GTF2A1L: variants seen among roughly 807,000 people sequenced by gnomAD.
GTF2A1L encodes the protein TFIIA-alpha and beta-like factor.
Under a neutral mutation model 49.7 loss-of-function variants are expected in GTF2A1L, and 48 were observed. That is an observed-to-expected ratio of 0.97 (90% CI 0.77 to 1.23). The LOEUF (loss-of-function observed/expected upper bound fraction) is 1.23, where lower values mean the gene tolerates loss of function less well. GTF2A1L is among the 50% of genes most tolerant of loss of function. The pLI is 0.00. For missense variants in GTF2A1L, 736 were observed against 564.8 expected (o/e 1.30, Z -3.07); for synonymous variants, 246 against 193.5 (o/e 1.27, Z -2.25).
At chr2:48,643,161 C>T (rs1336929104) in intron 4 of GTF2A1L, among the ~76,000 whole-genome samples, 1 of 151,896 alleles carries the variant, frequency 6.6e-6, no homozygotes, top group East Asian at 1.9e-4. Context: ...ATAGTTTTGA[C>T]TTTAATTAAA....
intron 6 of GTF2A1L, among the ~76,000 whole-genome samples, chr2:48,668,834 CAAAA>C (rs1033825849): frequency 7.4e-6 from 1 of 134,708 alleles, no homozygotes; most frequent in Non-Finnish European, 1.5e-5. Context: ...GACCCCGCCT[CAAAA>C]AATAAATAAA....
chr2:48,633,739 A>G (rs1044819661), intron 3 of GTF2A1L, among the ~76,000 whole-genome samples: 11 of 152,134 alleles, frequency 7.2e-5, no homozygotes, highest in African/African-American at 2.7e-4. Context: ...CAATAGGGGG[A>G]AGTCCCCCAC....
intron 6 of GTF2A1L, among the ~76,000 whole-genome samples, chr2:48,651,844 C>G (rs143453441): frequency 9.5e-4 from 144 of 152,200 alleles, no homozygotes; most frequent in African/African-American, 3.4e-3. Flanking sequence ...CAAAAGCCCC[C>G]TCATAACAAT....
intron 3 of GTF2A1L, among the ~76,000 whole-genome samples, chr2:48,637,293 G>T (rs1283040527): frequency 2.6e-5 from 4 of 152,076 alleles, no homozygotes; most frequent in African/African-American, 9.7e-5. Context: ...TTTTGATGGT[G>T]AATAAGAAAC....
At chr2:48,654,671 A>G (rs1678070111) in intron 6 of GTF2A1L, among the ~76,000 whole-genome samples, 1 of 152,152 alleles carries the variant, frequency 6.6e-6, no homozygotes, top group Non-Finnish European at 1.5e-5. Flanking sequence ...GGGGTGAGCC[A>G]CCGTGCCTGG....
chr2:48,658,282 G>A (rs904002994), intron 6 of GTF2A1L, among the ~76,000 whole-genome samples: 21 of 152,128 alleles, frequency 1.4e-4, no homozygotes, highest in African/African-American at 4.8e-4. Flanking sequence ...TTTTGTATAT[G>A]GTGAAAGGTA....
chr2:48,657,648 C>G (rs1036928722), intron 6 of GTF2A1L, among the ~76,000 whole-genome samples: 4 of 151,894 alleles, frequency 2.6e-5, no homozygotes, highest in Non-Finnish European at 5.9e-5. Flanking sequence ...TGAACGGTAG[C>G]TCTATTTTCT....
intron 4 of GTF2A1L, among the ~76,000 whole-genome samples, chr2:48,643,163 T>C (rs1413537756): frequency 1.3e-5 from 2 of 152,212 alleles, no homozygotes; most frequent in Non-Finnish European, 2.9e-5. Context: ...AGTTTTGACT[T>C]TAATTAAACT....
intron 6 of GTF2A1L, among the ~76,000 whole-genome samples, chr2:48,664,176 G>A (rs1678683210): frequency 6.6e-6 from 1 of 151,922 alleles, no homozygotes; most frequent in South Asian, 2.1e-4. Flanking sequence ...AATTAAATAA[G>A]AGTGCCAAGA....
chr2:48,662,887 A>T (rs988202506), intron 6 of GTF2A1L, among the ~76,000 whole-genome samples: 8 of 152,094 alleles, frequency 5.3e-5, no homozygotes, highest in Non-Finnish European at 8.8e-5. Flanking sequence ...CTAGGAGGGG[A>T]ACAATGAACA....
chr2:48,676,092 A>G (rs1017039995), intron 8 of GTF2A1L, among the ~76,000 whole-genome samples: 2 of 151,958 alleles, frequency 1.3e-5, no homozygotes, highest in Admixed American at 6.6e-5. Context: ...CTTTATTCAA[A>G]TACAAATACA....
chr2:48,654,990 A>T (rs1378059225), intron 6 of GTF2A1L, among the ~76,000 whole-genome samples: 4 of 152,076 alleles, frequency 2.6e-5, no homozygotes, highest in African/African-American at 9.7e-5. Context: ...ATTCCTTTAT[A>T]TTTCCATATA....
chr2:48,642,529 C>A (rs1277464212), intron 4 of GTF2A1L, 72 bp downstream of exon 4: 3 of 1,389,482 alleles, frequency 2.2e-6, no homozygotes, highest in Non-Finnish European at 9.8e-7. Flanking sequence ...AAATGCTGAA[C>A]ATAGATGTAA....
At chr2:48,674,021 G>A (rs569265967) in intron 8 of GTF2A1L, among the ~76,000 whole-genome samples, 1 of 152,090 alleles carries the variant, frequency 6.6e-6, no homozygotes, top group Non-Finnish European at 1.5e-5. Context: ...GGGGTAATGT[G>A]TTCTGAACCC....
At chr2:48,646,346 T>A (rs1465672518) in intron 5 of GTF2A1L, 107 bp from the exon 6 acceptor site, 2 of 1,033,126 alleles carry the variant, frequency 1.9e-6, no homozygotes, top group Non-Finnish European at 2.7e-6. Flanking sequence ...CATATTGGTG[T>A]ATTTTTTTCC....
chr2:48,648,053 G>A (rs566320594), intron 6 of GTF2A1L, among the ~76,000 whole-genome samples: 1 of 152,148 alleles, frequency 6.6e-6, no homozygotes, highest in South Asian at 2.1e-4. Flanking sequence ...TTGCTAGTTA[G>A]GGAAAGACAT....
Position 48,629,843 on chromosome 2 carries a change from A to G in GTF2A1L, c.247+8553A>G, listed in dbSNP as rs563429997. 3.5e-5 allele frequency among the ~76,000 whole-genome samples: 5 copies of G among 144,812 alleles called. No homozygotes were observed. The East Asian group carries it at 9.7e-4, about 28-fold the overall frequency. On this transcript the variant is annotated intron_variant, in intron 3 of 8. Transcript: ENST00000403751. ...GTTCATTCTTCTGCATATGGCTACC[A>G]GTTGCCCCATCACCATTTATTGACT...
chr2:48,677,920 G>C (rs1679561050), intron 8 of GTF2A1L, among the ~76,000 whole-genome samples: 1 of 151,756 alleles, frequency 6.6e-6, no homozygotes, highest in African/African-American at 2.4e-5. Context: ...GTGAGATGGG[G>C]AAGATTGTGA....
chr2:48,625,529 A>G lies in GTF2A1L; in HGVS notation c.247+4239A>G, dbSNP rs1213375998. On this transcript the variant is annotated intron_variant, in intron 3 of 8. Coordinates refer to ENST00000403751, the MANE Select transcript of GTF2A1L (RefSeq NM_006872.5). ...CTGTTGGCTGCTGTTTTATTTTGTT[A>G]TTTGTTTTCTTTGCTGTGCAGGAGC... Among the ~76,000 whole-genome samples the G allele has an allele frequency of 2.1e-5, 3 of 142,470 alleles. 1 individual carries two copies. Among genetic ancestry groups the G allele is most frequent in the Non-Finnish European group, 4.7e-5 (3 of 63,356 alleles). 93.5% of individuals were successfully genotyped at this position (142,470 alleles called of 152,430 possible). A position where few individuals can be genotyped will look rare whatever the true frequency, so the allele number is the denominator to read the frequency against.
Sources: gnomAD v4.1 joint callset for allele counts (sites outside exome capture counted in the v4.1 genomes callset) on GRCh38, gnomAD v4.1.1 for gene constraint, MANE v1.5 for transcripts, NCBI Gene and HGNC (gene_info 2026-07-23, HGNC 2026-07-21) for gene names.